Variants in GBGT1 observed in about 807,000 individuals in gnomAD.
GBGT1 encodes the protein globoside alpha-1,3-N-acetylgalactosaminyltransferase 1 (FORS blood group).
In GBGT1, 18 loss-of-function variants were observed where a neutral mutation model predicts 20.9. That is an observed-to-expected ratio of 0.86 (90% CI 0.60 to 1.28). The LOEUF is 1.28. Among genes scored for constraint, GBGT1 ranks in the 50% most tolerant of loss-of-function variants. The pLI, the probability that GBGT1 is intolerant of heterozygous loss-of-function variation, is 0.00. For missense variants in GBGT1, 432 were observed against 455.7 expected, an observed-to-expected ratio of 0.95 and a Z score of 0.47; for synonymous variants, 168 against 180.8, an observed-to-expected ratio of 0.93 and a Z score of 0.57.
At chr9:133,161,800 C>T (rs574880433) in intron 2 of GBGT1, among the ~76,000 whole-genome samples, 1 of 152,316 alleles carries the variant, frequency 6.6e-6, no homozygotes, top group African/African-American at 2.4e-5. Flanking sequence ...AGGCCCCCCA[C>T]ACAAACAGCA....
chr9:133,156,532 C>T (rs904520259), intron 3 of GBGT1, among the ~76,000 whole-genome samples: 3 of 151,804 alleles, frequency 2.0e-5, no homozygotes, highest in South Asian at 2.1e-4. Flanking sequence ...TGGTGGCGGG[C>T]GCCTGTAATC....
chr9:133,155,325 G>C lies in GBGT1; in HGVS notation c.225-13C>G, dbSNP rs377267003. The C allele has an allele frequency of 6.2e-7, 1 of 1,613,512 alleles. No homozygotes were observed. Among genetic ancestry groups the C allele is most frequent in the African/African-American group, 1.3e-5 (1 of 74,870 alleles). The stretch of plus-strand genomic sequence containing the variant: ...CAGCTGTGTGGGCCTGGCAGCAGGG[G>C]GGCCGTGGGCACTGAGACCCTCCCC... On this transcript the variant is annotated splice_polypyrimidine_tract_variant and intron_variant, in intron 5 of 6. Transcript: ENST00000372040.
intron 3 of GBGT1, among the ~76,000 whole-genome samples, chr9:133,158,944 T>C (rs941181119): frequency 6.6e-6 from 1 of 152,094 alleles, no homozygotes; most frequent in Non-Finnish European, 1.5e-5. Flanking sequence ...TGTCCTTTTG[T>C]GATTAGTAGC....
intron 3 of GBGT1, chr9:133,159,995 A>AG (rs1204076492): frequency 6.5e-6 from 1 of 154,278 alleles, no homozygotes; most frequent in Non-Finnish European, 1.5e-5. Context: ...TAATAAAAAA[A>AG]AAAAAAAATT....
In GBGT1 at chr9:133,162,406, G is replaced by A. The variant is rs140076798; in HGVS notation, c.7C>T (p.Arg3Cys). 13 of 1,605,638 alleles carry A rather than the reference G, an allele frequency of 8.1e-6. No homozygotes were observed. In the East Asian group the frequency reaches 2.0e-4, roughly 25 times the overall value. MH[R>C]RRLALGLGFC... Reference sequence around the variant, plus strand: ...CCCAGACCCAGGGCCAGTCTCCGGCGATGCATTGCTGGGGGCTGCACCTGA... The same window carrying A: ...CCCAGACCCAGGGCCAGTCTCCGGCAATGCATTGCTGGGGGCTGCACCTGA... The change falls in exon 2 of 7, where the codon CGC (arginine) becomes TGC (cysteine). Residue 3 changes from arginine (R) to cysteine (C), a missense_variant. Transcript: ENST00000372040.
Position 133,153,673 on chromosome 9 carries a change from G to A in GBGT1, c.948C>T (p.Pro316=), listed in dbSNP as rs376119667. 1.1e-4 allele frequency: 177 copies of A among 1,612,974 alleles called. No individual in the cohort carries two copies. The highest frequency in any genetic ancestry group is 1.3e-4 in the South Asian group (12 of 90,976). Residue 316 remains proline (P), a synonymous_variant, in exon 7 of 7, where the codon CCC becomes CCT. Coordinates refer to ENST00000372040, the MANE Select transcript of GBGT1 (RefSeq NM_021996.6). ...ISNKPSKVLS[P]EYLWDDRKPQ... is the part of the protein sequence containing the mutation. ...GCTTCCTGTCGTCCCAGAGGTACTC[G>A]GGGGACAGCACCTTGGACGGCTTGT...
chr9:133,160,557 G>A (rs992276747), intron 3 of GBGT1, among the ~76,000 whole-genome samples: 23 of 152,184 alleles, frequency 1.5e-4, no homozygotes, highest in African/African-American at 5.5e-4. Flanking sequence ...GAACATATCT[G>A]AACAAAATGA....
Position 133,154,566 on chromosome 9 carries a change from A to C in GBGT1, c.360-305T>G. The C allele has an allele frequency of 3.6e-6, 1 of 276,920 alleles. No individual in the cohort carries two copies. The highest frequency in any genetic ancestry group is 6.8e-6 in the Non-Finnish European group (1 of 147,936). 17.2% of individuals were successfully genotyped at this position (276,920 alleles called of 1,614,324 possible). On this transcript the variant is annotated intron_variant, in intron 6 of 6. Coordinates refer to ENST00000372040, the MANE Select transcript of GBGT1 (RefSeq NM_021996.6). The surrounding 1 kb of genome is among the most constrained non-coding windows in gnomAD (Gnocchi z 4.2). Reference sequence around the variant, plus strand: ...CTTATGATCTTTGATCTGCATAAGCATGCCCATTTTACAGGCAGGAACATT... The same window carrying C: ...CTTATGATCTTTGATCTGCATAAGCCTGCCCATTTTACAGGCAGGAACATT...
At chr9:133,161,954 C>T (rs932849319) in intron 2 of GBGT1, among the ~76,000 whole-genome samples, 13 of 152,140 alleles carry the variant, frequency 8.5e-5, no homozygotes, top group African/African-American at 2.4e-4. Context: ...GAGGCCAGTA[C>T]AAGGCAGAAT....
At position 133,158,957 on chromosome 9, in the gene GBGT1, C is replaced by CT. The variant is rs547491265; in HGVS notation, c.137+2509dup. The stretch of plus-strand genomic sequence containing the variant: ...TTTGTCCTTTTGTGATTAGTAGCTA[C>CT]TTTTTTTTTTCTTTTTTTAGATGGA... On this transcript the variant is annotated intron_variant, in intron 3 of 6. Coordinates refer to ENST00000372040, the MANE Select transcript of GBGT1 (RefSeq NM_021996.6). Among the ~76,000 whole-genome samples, 719 of 149,736 alleles carry CT rather than the reference C, an allele frequency of 4.8e-3. 2 individuals are homozygous for CT. The highest frequency in any genetic ancestry group is 8.0e-3 in the Non-Finnish European group (537 of 67,274).
rs775652901 is a variant in GBGT1 at position 133,155,882 on chromosome 9, G to T, written c.224+19C>A. On this transcript the variant is annotated intron_variant, in intron 5 of 6. Coordinates refer to ENST00000372040, the MANE Select transcript of GBGT1 (RefSeq NM_021996.6). ...TGTCCTTTTCCCCCGCCCCCATCAG[G>T]CCTCTCCATGACACCTACCTGTGCT... 1.9e-6 allele frequency: 3 copies of T among 1,613,392 alleles called. No individual in the cohort carries two copies. The highest frequency in any genetic ancestry group is 1.7e-5 in the Admixed American group (1 of 60,020).
chr9:133,162,083 G>A (rs532883098), intron 2 of GBGT1, among the ~76,000 whole-genome samples: 3 of 151,750 alleles, frequency 2.0e-5, no homozygotes, highest in African/African-American at 4.8e-5. Context: ...GGGTTGATCT[G>A]CAGAGACAGG....
In GBGT1 at chr9:133,153,451, C is replaced by T. The variant is rs1832766491; in HGVS notation, c.*126G>A. 7 of 668,094 alleles carry T rather than the reference C, an allele frequency of 1.0e-5. No homozygotes were observed. Among genetic ancestry groups the T allele is most frequent in the Admixed American group, 2.7e-5 (1 of 37,142 alleles). The allele number at this position is 668,094 out of a possible 1,614,324, so 41.4% of individuals were successfully genotyped here. On this transcript the variant is annotated 3_prime_UTR_variant, in exon 7 of 7. Transcript: ENST00000372040. ...TCTGCAGTTCACAGTGGCCTTTCCA[C>T]GTCCCTTTTCCGGTTGAATTCGCCT...
At chr9:133,162,620 C>T in intron 1 of GBGT1, 88 bp from the exon 2 acceptor site, 2 of 583,396 alleles carry the variant, frequency 3.4e-6, no homozygotes, top group East Asian at 2.9e-5. Flanking sequence ...CCATTCACTG[C>T]AACCTCTTCT....
rs1208073971 is a variant in GBGT1, at chr9:133,154,090, CT to C, written c.530del (p.Glu177GlyfsTer125). The C allele has an allele frequency of 6.2e-7, 1 of 1,613,188 alleles. No homozygotes were observed. The highest frequency in any genetic ancestry group is 1.3e-5 in the African/African-American group (1 of 74,924). ...TCTCCATCCGGCGCATGGATGTCTC[CT>C]CCCAGTGGGAGTGACCCTGGATGGG... The part of the protein sequence containing the change: ...SIPIQGHSHW[E>X]ETSMRRMETI... On this transcript the variant is annotated frameshift_variant, in exon 7 of 7. Coordinates refer to ENST00000372040, the MANE Select transcript of GBGT1 (RefSeq NM_021996.6). LOFTEE classifies it low-confidence loss of function (END_TRUNC). This position sits in a 1 kb window ranked among gnomAD's most constrained non-coding sequence, Gnocchi z 4.2.
intron 6 of GBGT1, 24 bp downstream of exon 6, chr9:133,155,153 TC>T: frequency 6.2e-7 from 1 of 1,606,656 alleles, no homozygotes; most frequent in Non-Finnish European, 8.5e-7. Context: ...GAGACCTCCC[TC>T]CCCTTCCCCA....
chr9:133,157,329 G>A (rs1448436218), intron 3 of GBGT1, among the ~76,000 whole-genome samples: 2 of 151,916 alleles, frequency 1.3e-5, no homozygotes, highest in Non-Finnish European at 2.9e-5. Context: ...GTGGGCTGTG[G>A]TGTCTGCTCC....
rs145248624 is a variant in GBGT1 at position 133,154,040 on chromosome 9, C to G, written c.581G>C (p.Arg194Thr). Residue 194 changes from arginine to threonine, a missense_variant, in exon 7 of 7, where the codon AGG (arginine) becomes ACG (threonine). Physicochemically the swap from Arg to Thr is moderately conservative, Grantham distance 71. Coordinates refer to ENST00000372040, the MANE Select transcript of GBGT1 (RefSeq NM_021996.6). The surrounding 1 kb of genome is among the most constrained non-coding windows in gnomAD (Gnocchi z 4.2). The stretch of plus-strand genomic sequence containing the variant: ...GAGGTAGTCCACCTCCCGGTGAGCC[C>G]TCTTAGCAATGTGCTGGCTGATGGT... ...METISQHIAK[R>T]AHREVDYLFC... 2.5e-5 allele frequency: 40 copies of G among 1,613,668 alleles called. No individual in the cohort carries two copies. The African/African-American group carries it at 5.2e-4, about 21-fold the overall frequency.
Position 133,153,819 on chromosome 9 carries a change from G to C in GBGT1, c.802C>G (p.Gln268Glu). 6.3e-7 allele frequency: 1 copy of C among 1,586,370 alleles called. No individual in the cohort carries two copies. The highest frequency in any genetic ancestry group is 8.6e-7 in the Non-Finnish European group (1 of 1,163,360). The change falls in exon 7 of 7, where the codon CAG (glutamine) becomes GAG (glutamate). Residue 268 changes from glutamine to glutamate, a missense_variant. By Grantham distance (29) the Gln-to-Glu change is conservative. Coordinates refer to ENST00000372040, the MANE Select transcript of GBGT1 (RefSeq NM_021996.6). Reference protein sequence around the residue: ...FYYGGAVFGGQVARVYEFTRG... With the variant: ...FYYGGAVFGGEVARVYEFTRG... Reference sequence around the variant, plus strand: ...GTAAACTCATATACCCTGGCCACCTGCCCCCCGAAGACTGCCCCACCATAA... The same window carrying C: ...GTAAACTCATATACCCTGGCCACCTCCCCCCCGAAGACTGCCCCACCATAA...
Sources: gnomAD v4.1 joint callset for allele counts (sites outside exome capture counted in the v4.1 genomes callset) on GRCh38, gnomAD v4.1.1 for gene constraint, Gnocchi (gnomAD v3.1) non-coding constraint, MANE v1.5 for transcripts, NCBI Gene and HGNC (gene_info 2026-07-23, HGNC 2026-07-21) for gene names.